The following DNAJC7 variants were observed in gnomAD, a reference collection of about 807,000 sequenced individuals.
DNAJC7 encodes dnaJ homolog subfamily C member 7.
A neutral mutation model predicts 67.4 loss-of-function variants in DNAJC7; 18 were observed. That is an observed-to-expected ratio of 0.27 (90% CI 0.18 to 0.40). The LOEUF is 0.40. DNAJC7 is among the 10% of genes least tolerant of loss of function. DNAJC7 has a pLI of 1.00. For synonymous variants in DNAJC7, 220 were observed against 207.8 expected (o/e 1.06, Z -0.50); for missense variants, 419 against 613.8 (o/e 0.68, Z 3.35).
intron 6 of DNAJC7, 106 bp downstream of exon 6, chr17:41,990,158 G>T: frequency 1.8e-6 from 2 of 1,090,006 alleles, no homozygotes; most frequent in Non-Finnish European, 2.7e-6. Flanking sequence ...GGTCTGATCA[G>T]CCCTAGCTGG....
chr17:42,000,403 GCCAC>G, intron 2 of DNAJC7, 75 bp downstream of exon 2: 1 of 991,932 alleles, frequency 1.0e-6, no homozygotes, highest in Non-Finnish European at 1.4e-6. Flanking sequence ...ACAGGCGTGA[GCCAC>G]CAGGACTTGG....
intron 6 of DNAJC7, 138 bp downstream of exon 6, chr17:41,990,126 C>T: frequency 3.9e-6 from 3 of 771,770 alleles, no homozygotes; most frequent in Non-Finnish European, 6.3e-6. Flanking sequence ...CTGGTCTAAT[C>T]TTTGACTTTA....
At position 41,981,197 on chromosome 17, in the gene DNAJC7, T is replaced by G. The variant is rs918419322; in HGVS notation, c.1384+658A>C. Among the ~76,000 whole-genome samples, 9 of 151,932 alleles carry G rather than the reference T, an allele frequency of 5.9e-5. No homozygotes were observed. In the South Asian group the frequency reaches 1.7e-3, roughly 28 times the overall value. ...GCTAATTTTTCTTTTTTCTTTCTTC[T>G]TATTATTTTTTTTAATTGAGACAAA... On this transcript the variant is annotated intron_variant, in intron 12 of 13. Transcript: ENST00000457167.
intron 2 of DNAJC7, among the ~76,000 whole-genome samples, chr17:41,999,946 G>A (rs782783602): frequency 1.3e-5 from 2 of 150,546 alleles, no homozygotes; most frequent in Non-Finnish European, 2.9e-5. Context: ...AGCCTCCCAA[G>A]TAGCTGGGAT....
intron 1 of DNAJC7, among the ~76,000 whole-genome samples, chr17:42,007,971 A>G (rs994297277): frequency 6.7e-6 from 1 of 148,582 alleles, no homozygotes; most frequent in Admixed American, 6.9e-5. Flanking sequence ...TCAGCCTCCC[A>G]AGTAGCTGGG....
intron 6 of DNAJC7, 77 bp from the exon 7 acceptor site, chr17:41,989,634 T>TC (rs2051463701): frequency 6.4e-7 from 1 of 1,557,726 alleles, no homozygotes; most frequent in Non-Finnish European, 8.7e-7. Flanking sequence ...TGGCCAGTTT[T>TC]CCTCCTTGAC....
chr17:42,016,847 G>C, intron 1 of DNAJC7: 5 of 656,408 alleles, frequency 7.6e-6, no homozygotes, highest in Non-Finnish European at 9.8e-6. Context: ...GTCAATTATG[G>C]AGACACACAA....
rs28618174 is a variant in DNAJC7, at chr17:41,990,103, C to T, written c.599+161G>A. On this transcript the variant is annotated intron_variant, in intron 6 of 13. Coordinates refer to ENST00000457167, the MANE Select transcript of DNAJC7 (RefSeq NM_003315.4). Reference sequence around the variant, plus strand: ...TACTACTATACTCCTGTATACCCTACGGGTTTTCAAAGCTGGTCTAATCTT... The same window carrying T: ...TACTACTATACTCCTGTATACCCTATGGGTTTTCAAAGCTGGTCTAATCTT... Among the ~76,000 whole-genome samples, 61,614 of 152,102 alleles carry T rather than the reference C, an allele frequency of 0.41. 13,877 individuals are homozygous for T. Among genetic ancestry groups the T allele is most frequent in the South Asian group, 0.57 (2,735 of 4,826 alleles).
At chr17:42,002,292 T>A (rs1254982151) in intron 1 of DNAJC7, among the ~76,000 whole-genome samples, 11 of 152,236 alleles carry the variant, frequency 7.2e-5, no homozygotes, top group Non-Finnish European at 1.5e-4. Context: ...TCTTCTTCAG[T>A]TGGCTAGTGG....
At chr17:41,989,358 C>A in intron 7 of DNAJC7, 46 bp downstream of exon 7, 7 of 1,603,134 alleles carry the variant, frequency 4.4e-6, no homozygotes, top group Non-Finnish European at 6.0e-6. Context: ...CTTAAAGGTC[C>A]CAAAAGGAAG....
Position 41,976,825 on chromosome 17 carries a change from CTT to C in DNAJC7, c.1448-57_1448-56del. On this transcript the variant is annotated intron_variant, in intron 13 of 13. Coordinates refer to ENST00000457167, the MANE Select transcript of DNAJC7 (RefSeq NM_003315.4). Reference sequence around the variant, plus strand: ...GCTATGGATTTTCTAAGGAAGATCACTTTGCTCTGATTATGGAAAAGTCTTCA... The same window carrying C: ...GCTATGGATTTTCTAAGGAAGATCACTGCTCTGATTATGGAAAAGTCTTCA... 1.9e-6 allele frequency: 3 copies of C among 1,590,348 alleles called. No homozygotes were observed. The South Asian group carries it at 3.4e-5, about 18-fold the overall frequency.
chr17:41,999,099 T>C (rs1244896601), intron 2 of DNAJC7, among the ~76,000 whole-genome samples: 2 of 152,048 alleles, frequency 1.3e-5, no homozygotes, highest in Non-Finnish European at 2.9e-5. Context: ...TTTTTTTTTT[T>C]GAGACGGAGA....
chr17:41,990,873 T>C (rs1202834891), intron 5 of DNAJC7, among the ~76,000 whole-genome samples: 1 of 152,074 alleles, frequency 6.6e-6, no homozygotes, highest in Non-Finnish European at 1.5e-5. Flanking sequence ...GGTTTCACCA[T>C]GTTAGCCATG....
intron 12 of DNAJC7, 178 bp from the exon 13 acceptor site, chr17:41,977,501 T>C: frequency 1.8e-6 from 1 of 554,030 alleles, no homozygotes. Context: ...GTGCAAAACA[T>C]GCTACCTGAT....
chr17:41,987,798 C>T lies in DNAJC7; in HGVS notation c.1010+21G>A, dbSNP rs782385086. 1.6e-5 allele frequency: 26 copies of T among 1,587,718 alleles called. No individual in the cohort carries two copies. The East Asian group carries it at 5.4e-4, about 33-fold the overall frequency. On this transcript the variant is annotated intron_variant, in intron 9 of 13. Coordinates refer to ENST00000457167, the MANE Select transcript of DNAJC7 (RefSeq NM_003315.4). The stretch of plus-strand genomic sequence containing the variant: ...GGCCAGCGGCAACTCCCTCTTCCCC[C>T]TACCCATCAGAGGCACTTACCACTG...
chr17:42,017,196 A>G, intron 1 of DNAJC7, 144 bp downstream of exon 1: 5 of 1,579,778 alleles, frequency 3.2e-6, no homozygotes, highest in South Asian at 1.1e-5. Context: ...CAGGGGGTCC[A>G]TCCGGCCTTG....
At chr17:42,011,889 A>G (rs982773641) in intron 1 of DNAJC7, 1 of 152,262 alleles carries the variant, frequency 6.6e-6, no homozygotes, top group Non-Finnish European at 1.5e-5. Context: ...AACGAACAGC[A>G]ACTACAGGAA....
intron 2 of DNAJC7, among the ~76,000 whole-genome samples, chr17:42,000,019 A>G (rs2051765309): frequency 1.4e-5 from 2 of 145,020 alleles, no homozygotes; most frequent in South Asian, 4.3e-4. Flanking sequence ...GGGTTTCGTC[A>G]TGTTGGCCAG....
intron 4 of DNAJC7, 131 bp from the exon 5 acceptor site, chr17:41,995,075 G>C: frequency 1.3e-6 from 1 of 794,324 alleles, no homozygotes; most frequent in East Asian, 2.5e-5. Context: ...ATAGAGATAG[G>C]GTCGAATGCA....
Sources: gnomAD v4.1 joint callset for allele counts (sites outside exome capture counted in the v4.1 genomes callset) on GRCh38, gnomAD v4.1.1 for gene constraint, MANE v1.5 for transcripts, NCBI Gene and HGNC (gene_info 2026-07-23, HGNC 2026-07-21) for gene names.